Variants in TENM4 observed in about 807,000 individuals in gnomAD.
TENM4 encodes the protein teneurin-4.
A neutral mutation model predicts 243.3 loss-of-function variants in TENM4; 82 were observed. The ratio of observed to expected loss-of-function variants is 0.34; its 90% confidence interval spans 0.28 to 0.40. TENM4 has a LOEUF of 0.40. TENM4 is among the 10% of genes least tolerant of loss of function. The pLI is 1.00. For synonymous variants in TENM4, 1,412 were observed against 1,456.3 expected (o/e 0.97, Z 0.69); for missense variants, 3,138 against 3,673.3 (o/e 0.85, Z 3.77).
At chr11:79,147,012 C>T (rs77108747) in intron 4 of TENM4, among the ~76,000 whole-genome samples, 11 of 152,204 alleles carry the variant, frequency 7.2e-5, no homozygotes, top group Admixed American at 2.0e-4. Context: ...CATGCATAGA[C>T]GTGTGTATAC....
intron 6 of TENM4, among the ~76,000 whole-genome samples, chr11:78,934,832 G>A (rs1856747418): frequency 6.6e-6 from 1 of 152,034 alleles, no homozygotes; most frequent in East Asian, 1.9e-4. Flanking sequence ...TCTCCTGGGA[G>A]GAAGAAACTA....
chr11:78,954,695 A>G (rs1046875390), intron 6 of TENM4, among the ~76,000 whole-genome samples: 1 of 152,244 alleles, frequency 6.6e-6, no homozygotes, highest in Non-Finnish European at 1.5e-5. Flanking sequence ...AGTGGAATGC[A>G]GCAGTAATAT....
At chr11:78,813,363 G>T (rs1481934325) in intron 13 of TENM4, among the ~76,000 whole-genome samples, 1 of 152,162 alleles carries the variant, frequency 6.6e-6, no homozygotes, top group Non-Finnish European at 1.5e-5. Flanking sequence ...CTCTCAGACT[G>T]CTCTTCCCTT....
intron 9 of TENM4, among the ~76,000 whole-genome samples, chr11:78,886,895 T>C (rs1855559107): frequency 6.6e-6 from 1 of 152,234 alleles, no homozygotes; most frequent in Non-Finnish European, 1.5e-5. Flanking sequence ...TTCTTCAAAA[T>C]TGACCTTCCA....
intron 32 of TENM4, among the ~76,000 whole-genome samples, chr11:78,662,507 T>C (rs1858056023): frequency 6.6e-6 from 1 of 152,142 alleles, no homozygotes; most frequent in South Asian, 2.1e-4. Context: ...TTCTAGTCTT[T>C]ACATTGGGCT....
intron 4 of TENM4, among the ~76,000 whole-genome samples, chr11:79,142,372 C>A (rs1038085153): frequency 5.1e-4 from 77 of 151,952 alleles, no homozygotes; most frequent in African/African-American, 1.8e-3. Flanking sequence ...GAATGTAATC[C>A]CATTTATAAC....
chr11:78,830,698 T>G (rs1857961170), intron 12 of TENM4, among the ~76,000 whole-genome samples: 1 of 152,120 alleles, frequency 6.6e-6, no homozygotes, highest in Non-Finnish European at 1.5e-5. Context: ...GATGGCTGAG[T>G]GTAACCTCGC....
At chr11:78,940,606 C>T (rs998032785) in intron 6 of TENM4, among the ~76,000 whole-genome samples, 7 of 152,232 alleles carry the variant, frequency 4.6e-5, no homozygotes, top group South Asian at 2.1e-4. Context: ...CCCAGCCCCC[C>T]TCCATTCTCC....
intron 1 of TENM4, among the ~76,000 whole-genome samples, chr11:79,375,721 T>C (rs146544827): frequency 7.9e-5 from 12 of 152,286 alleles, no homozygotes; most frequent in East Asian, 1.9e-4. Flanking sequence ...ACATATTTAA[T>C]CAAAGCTGTA....
intron 2 of TENM4, among the ~76,000 whole-genome samples, chr11:79,244,937 C>G (rs564049783): frequency 6.6e-6 from 1 of 152,320 alleles, no homozygotes; most frequent in East Asian, 1.9e-4. Context: ...GGCTCACCCT[C>G]TAACAGCAGA....
intron 1 of TENM4, among the ~76,000 whole-genome samples, chr11:79,335,919 G>A (rs548874552): frequency 2.0e-4 from 30 of 152,262 alleles, no homozygotes; most frequent in Non-Finnish European, 3.4e-4. Flanking sequence ...ACAGCAGACC[G>A]CTCCCTCCCT....
intron 2 of TENM4, among the ~76,000 whole-genome samples, chr11:79,222,038 C>T (rs1864167586): frequency 1.3e-5 from 2 of 152,144 alleles, no homozygotes. Flanking sequence ...TCAGTGTTCA[C>T]AATGGAAAAC....
At chr11:79,170,564 T>C (rs736391) in intron 3 of TENM4, among the ~76,000 whole-genome samples, 95,502 of 152,048 alleles carry the variant, frequency 0.63, 31,380 homozygotes, top group African/African-American at 0.82. Context: ...GTGGAAATAG[T>C]GACACAGACA....
Position 78,812,865 on chromosome 11 carries a change from A to G in TENM4, c.1784-549T>C, listed in dbSNP as rs1023779729. Among the ~76,000 whole-genome samples, 2 of 152,160 alleles carry G rather than the reference A, an allele frequency of 1.3e-5. 1 individual carries two copies. The highest frequency in any genetic ancestry group is 2.9e-5 in the Non-Finnish European group (2 of 68,048). On this transcript the variant is annotated intron_variant, in intron 13 of 33. Coordinates refer to ENST00000278550, the MANE Select transcript of TENM4 (RefSeq NM_001098816.3). The stretch of plus-strand genomic sequence containing the variant: ...AGAGCCCAACTTGGCTCTTTAAAGT[A>G]TTATCTTTTCATTCTGCCTCTTAGA...
intron 7 of TENM4, among the ~76,000 whole-genome samples, chr11:78,901,411 A>G (rs991087368): frequency 2.6e-5 from 4 of 152,212 alleles, no homozygotes; most frequent in African/African-American, 9.6e-5. Context: ...ATGTGGGAAG[A>G]TAGAACATCA....
intron 1 of TENM4, among the ~76,000 whole-genome samples, chr11:79,311,474 T>A (rs1193494445): frequency 6.6e-6 from 1 of 152,240 alleles, no homozygotes; most frequent in Non-Finnish European, 1.5e-5. Context: ...ACACAGCGGA[T>A]GTGCTACTTG....
At chr11:78,662,346 A>T (rs994988313) in intron 32 of TENM4, among the ~76,000 whole-genome samples, 3 of 152,000 alleles carry the variant, frequency 2.0e-5, no homozygotes, top group Non-Finnish European at 4.4e-5. Flanking sequence ...GCCCGTCACC[A>T]GGCCCAGCTA....
intron 4 of TENM4, among the ~76,000 whole-genome samples, chr11:79,082,475 C>T (rs1230866006): frequency 6.6e-6 from 1 of 152,216 alleles, no homozygotes; most frequent in Non-Finnish European, 1.5e-5. Context: ...ATCCTGCTTC[C>T]TTCCACGGCC....
In TENM4 at chr11:78,688,246, A is replaced by C. The variant is rs757693917; in HGVS notation, c.5088-20T>G. The C allele has an allele frequency of 6.2e-7, 1 of 1,608,606 alleles. No individual in the cohort carries two copies. Among genetic ancestry groups the C allele is most frequent in the Non-Finnish European group, 8.5e-7 (1 of 1,176,900 alleles). The stretch of plus-strand genomic sequence containing the variant: ...TCGTACCTGGAAACCAAGGGGTGGC[A>C]CTGAGTAGTAGAAATATAATGGTGC... On this transcript the variant is annotated intron_variant, in intron 28 of 33. Coordinates refer to ENST00000278550, the MANE Select transcript of TENM4 (RefSeq NM_001098816.3).
Sources: allele counts gnomAD v4.1 joint callset (sites outside exome capture counted in the v4.1 genomes callset), GRCh38; gene constraint gnomAD v4.1.1; transcripts MANE v1.5; gene names NCBI Gene and HGNC (gene_info 2026-07-23, HGNC 2026-07-21).